Variants in XYLT1 observed in about 807,000 individuals in gnomAD.
The protein encoded by XYLT1 is xylosyltransferase 1.
In XYLT1, 36 loss-of-function variants were observed where a neutral mutation model predicts 91.3. The ratio of observed to expected loss-of-function variants is 0.39; its 90% CI spans 0.30 to 0.52. The LOEUF is 0.52. Ranked by LOEUF, XYLT1 falls within the 20% of genes least tolerant of loss-of-function variation. The probability of loss-of-function intolerance (pLI) is 0.68; values close to 1 mark genes in which losing one functional copy is unlikely to be tolerated. For missense variants in XYLT1, 1,242 were observed against 1,284.5 expected (o/e 0.97, Z 0.51); for synonymous variants, 588 against 532.0 (o/e 1.11, Z -1.45).
At chr16:17,314,582 G>C (rs1022681835) in intron 2 of XYLT1, among the ~76,000 whole-genome samples, 3 of 152,140 alleles carry the variant, frequency 2.0e-5, no homozygotes, top group Non-Finnish European at 2.9e-5. Context: ...AATCAGCTGA[G>C]AGCAACATGC....
intron 1 of XYLT1, among the ~76,000 whole-genome samples, chr16:17,417,440 C>T (rs1452703376): frequency 6.6e-6 from 1 of 152,080 alleles, no homozygotes; most frequent in African/African-American, 2.4e-5. Context: ...GCCTGGATTA[C>T]TCTGACCTCC....
intron 5 of XYLT1, among the ~76,000 whole-genome samples, chr16:17,174,259 T>G (rs1284241585): frequency 1.3e-5 from 2 of 152,244 alleles, no homozygotes; most frequent in African/African-American, 2.4e-5. Context: ...CCACATATGT[T>G]AAGAGTCATT....
chr16:17,108,240 G>A lies in XYLT1; in HGVS notation c.*455C>T, dbSNP rs73526133. On this transcript the variant is annotated 3_prime_UTR_variant, in exon 12 of 12. Transcript: ENST00000261381. ...AGGAGATACCCTGGGCAAGGGGACC[G>A]CCCAGAGGGCTGAGCTTTGGGAGGG... 0.13 allele frequency: 19,805 copies of A among 155,918 alleles called. 1,743 individuals carry two copies. The highest frequency in any genetic ancestry group is 0.22 in the Admixed American group (3,421 of 15,374). The allele number at this position is 155,918 out of a possible 1,614,324, so 9.7% of individuals were successfully genotyped here. A position where few individuals can be genotyped will look rare whatever the true frequency, so the allele number is the denominator to read the frequency against.
chr16:17,387,323 C>T (rs1415118155), intron 1 of XYLT1, among the ~76,000 whole-genome samples: 2 of 152,172 alleles, frequency 1.3e-5, no homozygotes, highest in African/African-American at 4.8e-5. Context: ...TGCCAGCACC[C>T]ACACTGCTTC....
At chr16:17,262,362 T>C (rs1383591842) in intron 2 of XYLT1, among the ~76,000 whole-genome samples, 2 of 152,100 alleles carry the variant, frequency 1.3e-5, no homozygotes, top group Non-Finnish European at 2.9e-5. Flanking sequence ...CAAATTCATG[T>C]TGGGGAGGCA....
At chr16:17,125,892 A>G (rs1296839702) in intron 10 of XYLT1, among the ~76,000 whole-genome samples, 1 of 152,114 alleles carries the variant, frequency 6.6e-6, no homozygotes, top group Non-Finnish European at 1.5e-5. Flanking sequence ...AGAAAGAATG[A>G]GCATCTTTTA....
At chr16:17,139,637 C>A (rs1173279307) in intron 7 of XYLT1, among the ~76,000 whole-genome samples, 1 of 152,162 alleles carries the variant, frequency 6.6e-6, no homozygotes, top group Admixed American at 6.5e-5. Context: ...GAATTGCCTA[C>A]AAGCCCAGGG....
chr16:17,200,341 C>A, intron 4 of XYLT1, 141 bp downstream of exon 4: 1 of 1,027,826 alleles, frequency 9.7e-7, no homozygotes. Context: ...GCCACACGCT[C>A]TGTGGAGAGG....
At chr16:17,384,836 C>T (rs1234893620) in intron 1 of XYLT1, among the ~76,000 whole-genome samples, 5 of 151,840 alleles carry the variant, frequency 3.3e-5, no homozygotes, top group South Asian at 4.2e-4. Context: ...TTGACAGCAC[C>T]GGTATGTAAA....
At chr16:17,315,876 T>C (rs552286545) in intron 2 of XYLT1, among the ~76,000 whole-genome samples, 1 of 152,250 alleles carries the variant, frequency 6.6e-6, no homozygotes, top group South Asian at 2.1e-4. Context: ...AAGTCCCTGG[T>C]AGGAGGTCCT....
At chr16:17,201,544 G>A (rs1333710480) in intron 3 of XYLT1, among the ~76,000 whole-genome samples, 1 of 148,844 alleles carries the variant, frequency 6.7e-6, no homozygotes, top group Non-Finnish European at 1.5e-5. Context: ...GTGCGATCTT[G>A]GCTCATTGCA....
rs1290992891 is a variant in XYLT1, at chr16:17,470,419, G to A, written c.363+15C>T. On this transcript the variant is annotated intron_variant, in intron 1 of 11. Transcript: ENST00000261381. ...CCTCCCTCGCCGCGGGGCGCGAGCC[G>A]AAAGGGCATCTTACCAGAGCCCGGG... is the stretch of plus-strand genomic sequence containing the variant. 1 of 1,228,222 alleles carries A rather than the reference G, an allele frequency of 8.1e-7. No homozygotes were observed. Among genetic ancestry groups the A allele is most frequent in the Non-Finnish European group, 1.0e-6 (1 of 984,990 alleles). The allele number at this position is 1,228,222 out of a possible 1,614,324, so 76.1% of individuals were successfully genotyped here.
intron 5 of XYLT1, among the ~76,000 whole-genome samples, chr16:17,167,054 C>T (rs1052601097): frequency 6.6e-6 from 1 of 152,214 alleles, no homozygotes; most frequent in African/African-American, 2.4e-5. Context: ...TACTCATTTG[C>T]GGATGAATAA....
At chr16:17,459,189 T>C (rs563786443) in intron 1 of XYLT1, among the ~76,000 whole-genome samples, 3 of 151,912 alleles carry the variant, frequency 2.0e-5, no homozygotes, top group African/African-American at 4.8e-5. Context: ...CTGGGCAACA[T>C]AGCAAAACCC....
chr16:17,112,306 C>A (rs1021682553), intron 11 of XYLT1, among the ~76,000 whole-genome samples: 2 of 151,882 alleles, frequency 1.3e-5, no homozygotes, highest in African/African-American at 4.8e-5. Context: ...ATTGCTCCCA[C>A]CTTTGTGTTC....
At chr16:17,405,911 C>G (rs113988213) in intron 1 of XYLT1, among the ~76,000 whole-genome samples, 2 of 152,180 alleles carry the variant, frequency 1.3e-5, no homozygotes, top group African/African-American at 4.8e-5. Context: ...TCAGCTGAGA[C>G]TGGTGACTCA....
intron 2 of XYLT1, among the ~76,000 whole-genome samples, chr16:17,339,231 A>G (rs1224947583): frequency 6.6e-6 from 1 of 152,320 alleles, no homozygotes; most frequent in East Asian, 1.9e-4. Context: ...GAACTTGTAC[A>G]TACCCGCTGA....
At chr16:17,237,678 C>CT (rs1182626887) in intron 3 of XYLT1, among the ~76,000 whole-genome samples, 1 of 152,230 alleles carries the variant, frequency 6.6e-6, no homozygotes, top group Non-Finnish European at 1.5e-5. Flanking sequence ...CTACAGGATG[C>CT]TCCAATATTC....
intron 2 of XYLT1, among the ~76,000 whole-genome samples, chr16:17,331,018 G>T (rs774676858): frequency 3.3e-5 from 5 of 152,232 alleles, no homozygotes; most frequent in Non-Finnish European, 5.9e-5. Flanking sequence ...TGCACAAAGG[G>T]AGGGCTTATG....
Sources: gnomAD v4.1 joint callset for allele counts (sites outside exome capture counted in the v4.1 genomes callset) on GRCh38, gnomAD v4.1.1 for gene constraint, MANE v1.5 for transcripts, NCBI Gene and HGNC (gene_info 2026-07-23, HGNC 2026-07-21) for gene names.